The following XKR6 variants were observed in gnomAD, a reference collection of about 807,000 sequenced individuals.
The protein encoded by XKR6 is XK-related protein 6.
Under a neutral mutation model 56.7 loss-of-function variants are expected in XKR6, and 22 were observed. The observed-to-expected ratio is 0.39, with a 90% CI of 0.28 to 0.55. XKR6 has a LOEUF of 0.55. Among genes scored for constraint, XKR6 ranks in the 20% least tolerant of loss-of-function variants. XKR6 has a pLI of 0.66. For synonymous variants in XKR6, 524 were observed against 387.8 expected, an observed-to-expected ratio of 1.35 and a Z score of -4.13; for missense variants, 852 against 889.0, an observed-to-expected ratio of 0.96 and a Z score of 0.53.
At chr8:10,920,785 T>A (rs1389196613) in intron 2 of XKR6, among the ~76,000 whole-genome samples, 1 of 152,230 alleles carries the variant, frequency 6.6e-6, no homozygotes, top group African/African-American at 2.4e-5. Context: ...TGCTATAGCC[T>A]CATTCTTGGC....
At chr8:11,067,559 A>C (rs940672538) in intron 1 of XKR6, among the ~76,000 whole-genome samples, 9 of 152,270 alleles carry the variant, frequency 5.9e-5, no homozygotes, top group African/African-American at 2.2e-4. Flanking sequence ...ACATGGGCCA[A>C]GCGATAATAG....
chr8:11,088,815 G>A (rs1158551118), intron 1 of XKR6, among the ~76,000 whole-genome samples: 1 of 152,208 alleles, frequency 6.6e-6, no homozygotes, highest in Non-Finnish European at 1.5e-5. Context: ...ACAGTGCCTA[G>A]CCTAGCAAGA....
At chr8:11,095,073 C>A (rs1798225021) in intron 1 of XKR6, among the ~76,000 whole-genome samples, 1 of 152,170 alleles carries the variant, frequency 6.6e-6, no homozygotes, top group South Asian at 2.1e-4. Context: ...TAGGCTGATA[C>A]AAAGGCAAAT....
intron 1 of XKR6, among the ~76,000 whole-genome samples, chr8:11,031,794 A>T (rs1474916235): frequency 6.6e-6 from 1 of 152,236 alleles, no homozygotes; most frequent in Non-Finnish European, 1.5e-5. Flanking sequence ...CTTTATTCAC[A>T]TGGCCCTGCC....
intron 1 of XKR6, among the ~76,000 whole-genome samples, chr8:10,954,064 T>G (rs11250096): frequency 2.0e-5 from 3 of 152,166 alleles, no homozygotes; most frequent in Non-Finnish European, 4.4e-5. Flanking sequence ...CATTCATCAG[T>G]TGATAGACAT....
At chr8:11,198,914 C>G (rs1343125705) in intron 1 of XKR6, among the ~76,000 whole-genome samples, 1 of 151,700 alleles carries the variant, frequency 6.6e-6, no homozygotes, top group Non-Finnish European at 1.5e-5. Context: ...CCCCCAGCCC[C>G]CGCCCAAAAA....
intron 2 of XKR6, among the ~76,000 whole-genome samples, chr8:10,922,686 A>G (rs1041506657): frequency 1.3e-5 from 2 of 152,150 alleles, no homozygotes; most frequent in African/African-American, 4.8e-5. Context: ...AGCCAATCAC[A>G]CCAGTTCGTT....
At chr8:10,991,545 T>C (rs1031458196) in intron 1 of XKR6, among the ~76,000 whole-genome samples, 6 of 152,158 alleles carry the variant, frequency 3.9e-5, no homozygotes, top group African/African-American at 1.2e-4. Context: ...GGGGTTGCCA[T>C]AGGTCTTAAC....
At chr8:11,096,742 G>A (rs1798273898) in intron 1 of XKR6, among the ~76,000 whole-genome samples, 1 of 152,244 alleles carries the variant, frequency 6.6e-6, no homozygotes, top group African/African-American at 2.4e-5. Context: ...GGGTCCTTGG[G>A]CTCCAGCCGA....
At chr8:10,961,446 C>G (rs1243402105) in intron 1 of XKR6, among the ~76,000 whole-genome samples, 9 of 152,158 alleles carry the variant, frequency 5.9e-5, no homozygotes, top group African/African-American at 2.2e-4. Context: ...TGGCTAGGGG[C>G]GGCTGGGGAA....
intron 1 of XKR6, among the ~76,000 whole-genome samples, chr8:11,046,712 A>G (rs1304203117): frequency 1.3e-5 from 2 of 152,252 alleles, no homozygotes; most frequent in African/African-American, 4.8e-5. Flanking sequence ...CAAGATAAGG[A>G]ATCAACTTAA....
chr8:11,144,499 T>A (rs887468851), intron 1 of XKR6, among the ~76,000 whole-genome samples: 1 of 151,818 alleles, frequency 6.6e-6, no homozygotes, highest in Non-Finnish European at 1.5e-5. Context: ...GACCACGTAA[T>A]CTGGAGACCA....
At chr8:10,908,038 A>G (rs906077072) in intron 2 of XKR6, among the ~76,000 whole-genome samples, 5 of 152,196 alleles carry the variant, frequency 3.3e-5, no homozygotes, top group African/African-American at 1.2e-4. Flanking sequence ...ATCAAGAGTC[A>G]CTGATTTTCA....
At chr8:11,113,404 A>G (rs928035917) in intron 1 of XKR6, among the ~76,000 whole-genome samples, 4 of 152,248 alleles carry the variant, frequency 2.6e-5, no homozygotes, top group Admixed American at 6.5e-5. Flanking sequence ...AAGTTTTACT[A>G]AAATGTAAAA....
chr8:10,962,156 G>A (rs900693073), intron 1 of XKR6, among the ~76,000 whole-genome samples: 1 of 152,110 alleles, frequency 6.6e-6, no homozygotes, highest in African/African-American at 2.4e-5. Flanking sequence ...AGCACACAGG[G>A]GACTTATTTT....
chr8:11,028,795 C>T (rs1563355236), intron 1 of XKR6, among the ~76,000 whole-genome samples: 1 of 152,180 alleles, frequency 6.6e-6, no homozygotes, highest in Non-Finnish European at 1.5e-5. Flanking sequence ...CTCACAGCAA[C>T]CCTATGGCCC....
At chr8:10,973,600 T>C (rs1347672667) in intron 1 of XKR6, among the ~76,000 whole-genome samples, 1 of 152,210 alleles carries the variant, frequency 6.6e-6, no homozygotes, top group Non-Finnish European at 1.5e-5. Flanking sequence ...TCTTTTTCTT[T>C]TTTTTAAAAG....
intron 1 of XKR6, among the ~76,000 whole-genome samples, chr8:11,039,853 G>A (rs576085517): frequency 2.0e-5 from 3 of 152,318 alleles, no homozygotes; most frequent in Admixed American, 6.5e-5. Context: ...CTCTACGAAC[G>A]CCGGGGACAG....
intron 1 of XKR6, chr8:11,136,871 G>T (rs1487658543): frequency 6.6e-6 from 1 of 152,192 alleles, no homozygotes; most frequent in African/African-American, 2.4e-5. Flanking sequence ...CCTACACACA[G>T]TGTGGTTACA....
Sources: gnomAD v4.1 joint callset for allele counts (sites outside exome capture counted in the v4.1 genomes callset) on GRCh38, gnomAD v4.1.1 for gene constraint, MANE v1.5 for transcripts, NCBI Gene and HGNC (gene_info 2026-07-23, HGNC 2026-07-21) for gene names.